Variants in SHROOM4 observed in about 807,000 individuals in gnomAD.
SHROOM4 encodes shroom family member 4.
A neutral mutation model predicts 80.3 loss-of-function variants in SHROOM4; 17 were observed. That is an observed-to-expected ratio of 0.21 (90% CI 0.14 to 0.32). SHROOM4 has a LOEUF of 0.32. SHROOM4 is among the 10% of genes least tolerant of loss of function. The pLI, the probability that SHROOM4 is intolerant of heterozygous loss-of-function variation, is 1.00. For synonymous variants in SHROOM4, 400 were observed against 437.5 expected, an observed-to-expected ratio of 0.91 and a Z score of 1.07; for missense variants, 993 against 1,140.3, an observed-to-expected ratio of 0.87 and a Z score of 1.86.
chrX:50,786,818 A>G (rs1935749792), intron 1 of SHROOM4, among the ~76,000 whole-genome samples: 1 of 111,969 alleles, frequency 8.9e-6, no homozygotes, highest in Admixed American at 9.5e-5. Context: ...TTGGAGATAT[A>G]TGATTTACCT....
intron 6 of SHROOM4, among the ~76,000 whole-genome samples, chrX:50,603,639 C>T (rs181008118): frequency 5.6e-3 from 629 of 111,854 alleles, no homozygotes; most frequent in Non-Finnish European, 7.4e-3. Context: ...AGGGGCTTGA[C>T]AAGTATAGCA....
intron 2 of SHROOM4, chrX:50,643,549 A>T (rs1931698177): frequency 8.9e-6 from 1 of 112,118 alleles, no homozygotes; most frequent in Non-Finnish European, 1.9e-5. Context: ...AAGGCAAGGT[A>T]TGACCATCAG....
At chrX:50,813,686 C>T (rs1557273684) in intron 1 of SHROOM4, among the ~76,000 whole-genome samples, 2 of 111,999 alleles carry the variant, frequency 1.8e-5, no homozygotes, top group East Asian at 2.9e-4. Context: ...AGGTTCTAGC[C>T]GGGGGCCAGT....
chrX:50,595,938 C>A lies in SHROOM4; in HGVS notation c.*757G>T, dbSNP rs1010691586. Reference sequence around the variant, plus strand: ...GCTATTAATGGCCCATATGGTGAAGCCCTGGGGTAGGCACCTGCGGTAACC... The same window carrying A: ...GCTATTAATGGCCCATATGGTGAAGACCTGGGGTAGGCACCTGCGGTAACC... On this transcript the variant is annotated 3_prime_UTR_variant, in exon 9 of 9. Transcript: ENST00000376020. The A allele has an allele frequency of 4.9e-5, 16 of 327,663 alleles. No homozygotes were observed. Among genetic ancestry groups the A allele is most frequent in the South Asian group, 3.7e-4 (14 of 38,299 alleles). The allele number at this position is 327,663 out of a possible 1,213,427, so 27.0% of individuals were successfully genotyped here.
rs186808478 is a variant in SHROOM4 at position 50,717,778 on chromosome X, T to C, written c.118-21841A>G. ...GTTTTCACCCCAAATCTCAAAAGGC[T>C]TTCCAGCACTGTGGGTAAGGAAAAT... On this transcript the variant is annotated intron_variant, in intron 1 of 8. Transcript: ENST00000376020. Among the ~76,000 whole-genome samples, 29 of 112,130 alleles carry C rather than the reference T, an allele frequency of 2.6e-4. No homozygotes were observed. In the East Asian group the frequency reaches 7.0e-3, roughly 27 times the overall value.
rs1391600712 is a variant in SHROOM4 at position 50,587,230 on chromosome X, A to C, written c.*9465T>G. Among the ~76,000 whole-genome samples the C allele has an allele frequency of 1.8e-5, 2 of 112,368 alleles. No individual in the cohort carries two copies. Among genetic ancestry groups the C allele is most frequent in the African/African-American group, 6.5e-5 (2 of 30,935 alleles). ...ATAGCAGGCTTTTATCAAAAAGGCA[A>C]GGGATAACAAATGTTGATGAGGGTA... On this transcript the variant is annotated 3_prime_UTR_variant, in exon 9 of 9. Coordinates refer to ENST00000376020, the MANE Select transcript of SHROOM4 (RefSeq NM_020717.5).
At chrX:50,792,314 C>G (rs1935869712) in intron 1 of SHROOM4, among the ~76,000 whole-genome samples, 1 of 111,219 alleles carries the variant, frequency 9.0e-6, no homozygotes, top group Non-Finnish European at 1.9e-5. Context: ...GTCTGGCCAA[C>G]ATGGTGAAAC....
chrX:50,649,469 C>T (rs781808085), intron 2 of SHROOM4, among the ~76,000 whole-genome samples: 7 of 111,444 alleles, frequency 6.3e-5, no homozygotes, highest in Admixed American at 9.5e-5. Flanking sequence ...GTAATAGAGA[C>T]AAAACAATGA....
At chrX:50,716,696 T>C (rs976505298) in intron 1 of SHROOM4, among the ~76,000 whole-genome samples, 8 of 111,853 alleles carry the variant, frequency 7.2e-5, no homozygotes, top group Admixed American at 9.5e-5. Flanking sequence ...AGTGGATACT[T>C]TGAATCTACC....
At chrX:50,705,989 TACACACACACACAC>T (rs56363612) in intron 1 of SHROOM4, among the ~76,000 whole-genome samples, 18 of 74,384 alleles carry the variant, frequency 2.4e-4, no homozygotes, top group Middle Eastern at 6.6e-3. Flanking sequence ...TCTCATCCTC[TACACACACACACAC>T]ACACACACAC....
At chrX:50,666,012 G>A (rs1932677363) in intron 2 of SHROOM4, among the ~76,000 whole-genome samples, 1 of 111,837 alleles carries the variant, frequency 8.9e-6, no homozygotes, top group Non-Finnish European at 1.9e-5. Flanking sequence ...ATCACAGTGA[G>A]CTGTAGAATT....
Position 50,587,801 on chromosome X carries a change from A to C in SHROOM4, c.*8894T>G, listed in dbSNP as rs1473319004. ...AATCTATTTTGTTTAACTTACAAACAGCAAAAATGCTACCACAATTCTGAA... is the reference window on the plus strand; with the variant it reads ...AATCTATTTTGTTTAACTTACAAACCGCAAAAATGCTACCACAATTCTGAA... On this transcript the variant is annotated 3_prime_UTR_variant, in exon 9 of 9. Coordinates refer to ENST00000376020, the MANE Select transcript of SHROOM4 (RefSeq NM_020717.5). 8.9e-6 allele frequency among the ~76,000 whole-genome samples: 1 copy of C among 112,472 alleles called. No homozygotes were observed. Among genetic ancestry groups the C allele is most frequent in the African/African-American group, 3.2e-5 (1 of 30,988 alleles).
At chrX:50,666,798 CAA>C (rs782043564) in intron 2 of SHROOM4, among the ~76,000 whole-genome samples, 40 of 110,655 alleles carry the variant, frequency 3.6e-4, no homozygotes, top group Admixed American at 1.1e-3. Context: ...AAATTTAAAT[CAA>C]GCCTTTTTTT....
chrX:50,644,000 A>C (rs1275425371), intron 2 of SHROOM4, among the ~76,000 whole-genome samples: 1 of 112,550 alleles, frequency 8.9e-6, no homozygotes, highest in Non-Finnish European at 1.9e-5. Context: ...AGTACAGATA[A>C]GCCAGGACTA....
At position 50,763,977 on chromosome X, in the gene SHROOM4, T is replaced by A. The variant is rs1557269110; in HGVS notation, c.117+49925A>T. Reference sequence around the variant, plus strand: ...CTGCCATTTAATTCGTTGCTTCTAGTTACATGAACTATTAGCTTCCTACTA... The same window carrying A: ...CTGCCATTTAATTCGTTGCTTCTAGATACATGAACTATTAGCTTCCTACTA... On this transcript the variant is annotated intron_variant, in intron 1 of 8. Transcript: ENST00000376020. Among the ~76,000 whole-genome samples, 3 of 111,842 alleles carry A rather than the reference T, an allele frequency of 2.7e-5. No homozygotes were observed. In the Admixed American group the frequency reaches 2.9e-4, roughly 11 times the overall value.
intron 2 of SHROOM4, among the ~76,000 whole-genome samples, chrX:50,684,073 G>T (rs1406896683): frequency 2.7e-5 from 3 of 112,236 alleles, no homozygotes; most frequent in African/African-American, 9.7e-5. Flanking sequence ...ATGAGAAGTT[G>T]TACTGAGTTG....
chrX:50,625,568 T>C (rs1324189285), intron 5 of SHROOM4, among the ~76,000 whole-genome samples: 2 of 111,580 alleles, frequency 1.8e-5, no homozygotes, highest in Non-Finnish European at 3.8e-5. Context: ...TAATTTCCTG[T>C]AATATTGTTT....
rs1557255742 is a variant in SHROOM4, at chrX:50,635,327, G to A, written c.746C>T (p.Thr249Ile). The A allele has an allele frequency of 4.2e-6, 5 of 1,202,555 alleles. No individual in the cohort carries two copies. The Admixed American group carries it at 6.7e-5, about 16-fold the overall frequency. Reference protein sequence around the residue: ...GSRRTNGGHLTPSSQMSSRPQ... With the variant: ...GSRRTNGGHLIPSSQMSSRPQ... Reference sequence around the variant, plus strand: ...ACGGGATGACATCTGAGAGCTGGGGGTCAGGTGGCCCCCATTGGTGCGCCG... The same window carrying A: ...ACGGGATGACATCTGAGAGCTGGGGATCAGGTGGCCCCCATTGGTGCGCCG... The change falls in exon 4 of 9, where the codon ACC becomes ATC. Residue 249 changes from threonine to isoleucine, a missense_variant. Physicochemically the swap from Thr to Ile is moderately conservative, Grantham distance 89. Coordinates refer to ENST00000376020, the MANE Select transcript of SHROOM4 (RefSeq NM_020717.5).
At chrX:50,791,516 T>C (rs2147701789) in intron 1 of SHROOM4, among the ~76,000 whole-genome samples, 1 of 105,389 alleles carries the variant, frequency 9.5e-6, no homozygotes, top group East Asian at 3.0e-4. Flanking sequence ...CAGGCTCAAG[T>C]AATCCTCCCA....
Sources: allele counts gnomAD v4.1 joint callset (sites outside exome capture counted in the v4.1 genomes callset), GRCh38; gene constraint gnomAD v4.1.1; transcripts MANE v1.5; gene names NCBI Gene and HGNC (gene_info 2026-07-23, HGNC 2026-07-21).